Variants in SLIT3 observed in about 807,000 individuals in gnomAD.
The protein encoded by SLIT3 is slit homolog 3 protein.
In SLIT3, 68 loss-of-function variants were observed where a neutral mutation model predicts 184.0. The observed-to-expected ratio is 0.37, with a 90% CI of 0.30 to 0.45. SLIT3 has a LOEUF of 0.45. SLIT3 is among the 20% of genes least tolerant of loss of function. SLIT3 has a pLI of 1.00. For synonymous variants in SLIT3, 831 were observed against 828.6 expected (o/e 1.00, Z -0.05); for missense variants, 1,707 against 2,026.0 (o/e 0.84, Z 3.02).
intron 16 of SLIT3, among the ~76,000 whole-genome samples, chr5:168,755,399 T>TCTCTCTCTCTC (rs1754869371): frequency 6.1e-5 from 1 of 16,478 alleles, no homozygotes; most frequent in East Asian, 2.0e-3. Context: ...ATTTCTTTCT[T>TCTCTCTCTCTC]TCTTTCTTTC....
chr5:169,009,628 C>T (rs1756064948), intron 4 of SLIT3, among the ~76,000 whole-genome samples: 1 of 152,202 alleles, frequency 6.6e-6, no homozygotes, highest in Admixed American at 6.5e-5. Context: ...AGCCTCATAG[C>T]TGATTAATGC....
intron 4 of SLIT3, among the ~76,000 whole-genome samples, chr5:169,097,510 G>A (rs997517489): frequency 6.6e-6 from 1 of 152,220 alleles, no homozygotes; most frequent in Non-Finnish European, 1.5e-5. Flanking sequence ...GTGACATGTA[G>A]ACGCATTTTC....
At chr5:168,697,557 G>C (rs1762099427) in intron 27 of SLIT3, among the ~76,000 whole-genome samples, 1 of 152,108 alleles carries the variant, frequency 6.6e-6, no homozygotes, top group African/African-American at 2.4e-5. Context: ...CTTCAGATCT[G>C]GAATTTCAGG....
intron 1 of SLIT3, among the ~76,000 whole-genome samples, chr5:169,262,034 G>C (rs374307894): frequency 2.6e-5 from 4 of 152,262 alleles, no homozygotes; most frequent in Admixed American, 2.0e-4. Flanking sequence ...CAATAACCTT[G>C]AGAGCTTGGA....
chr5:169,160,535 A>G (rs1762443602), intron 4 of SLIT3, among the ~76,000 whole-genome samples: 1 of 152,226 alleles, frequency 6.6e-6, no homozygotes, highest in South Asian at 2.1e-4. Flanking sequence ...AGAGTTAGCC[A>G]AGATTCTTTT....
At chr5:168,762,786 G>A in intron 14 of SLIT3, 97 bp from the exon 15 acceptor site, 1 of 1,235,988 alleles carries the variant, frequency 8.1e-7, no homozygotes, top group Non-Finnish European at 1.2e-6. Flanking sequence ...ATGGGGGAAT[G>A]AGTTGGGGGC....
chr5:168,911,172 T>C lies in SLIT3; in HGVS notation c.414-27836A>G, dbSNP rs140116723. 3.2e-4 allele frequency among the ~76,000 whole-genome samples: 49 copies of C among 152,284 alleles called. No individual in the cohort carries two copies. In the East Asian group the frequency reaches 9.5e-3, roughly 29 times the overall value. ...AGACAAATACTGCACGTTAATTAAA[T>C]ACAAAATGATTATTTAAAAACACTT... On this transcript the variant is annotated intron_variant, in intron 4 of 35. Coordinates refer to ENST00000519560, the MANE Select transcript of SLIT3 (RefSeq NM_003062.4).
intron 4 of SLIT3, among the ~76,000 whole-genome samples, chr5:169,075,378 A>G (rs295985): frequency 0.6 from 91,106 of 152,104 alleles, 27,653 homozygotes; most frequent in East Asian, 0.8. Context: ...CTGCATCAGG[A>G]CTGAGTGAGG....
intron 1 of SLIT3, among the ~76,000 whole-genome samples, chr5:169,255,199 C>T (rs1417771810): frequency 2.6e-5 from 4 of 152,190 alleles, no homozygotes; most frequent in Non-Finnish European, 5.9e-5. Context: ...CTATGCCATA[C>T]TGTTATCACT....
At position 168,666,384 on chromosome 5, in the gene SLIT3, G is replaced by A; in HGVS notation, c.*70C>T. On this transcript the variant is annotated 3_prime_UTR_variant, in exon 36 of 36. Coordinates refer to ENST00000519560, the MANE Select transcript of SLIT3 (RefSeq NM_003062.4). ...CATTTCCTTCATGCTGAATCACCAG[G>A]GGGTCCCACATGGCTGTCCCAACTC... 1 of 1,402,276 alleles carries A rather than the reference G, an allele frequency of 7.1e-7. No individual in the cohort carries two copies. 86.9% of individuals were successfully genotyped at this position (1,402,276 alleles called of 1,614,324 possible).
intron 4 of SLIT3, among the ~76,000 whole-genome samples, chr5:168,921,132 A>G (rs1020353285): frequency 1.2e-4 from 18 of 152,240 alleles, no homozygotes; most frequent in Admixed American, 2.0e-4. Context: ...ACATGTGGAA[A>G]GGAAAATGAT....
chr5:168,845,187 C>T (rs1216775798), intron 5 of SLIT3, among the ~76,000 whole-genome samples: 1 of 152,060 alleles, frequency 6.6e-6, no homozygotes, highest in Non-Finnish European at 1.5e-5. Context: ...GGGGAATATA[C>T]CAATTCCAAA....
chr5:168,728,203 C>T (rs187034836), intron 20 of SLIT3, among the ~76,000 whole-genome samples: 104 of 151,828 alleles, frequency 6.8e-4, no homozygotes, highest in Non-Finnish European at 1.3e-3. Context: ...ATCCTATGCC[C>T]TGCCGAGGAA....
chr5:169,259,327 G>A (rs1372747434), intron 1 of SLIT3, among the ~76,000 whole-genome samples: 1 of 152,222 alleles, frequency 6.6e-6, no homozygotes, highest in African/African-American at 2.4e-5. Context: ...CCAAAGTGCT[G>A]GGATTACAGG....
At chr5:169,102,581 A>G (rs1333793511) in intron 4 of SLIT3, among the ~76,000 whole-genome samples, 1 of 152,072 alleles carries the variant, frequency 6.6e-6, no homozygotes, top group Non-Finnish European at 1.5e-5. Context: ...TTATCGTATT[A>G]TTTTTCCCAA....
intron 4 of SLIT3, among the ~76,000 whole-genome samples, chr5:168,930,952 G>A (rs566333179): frequency 3.6e-4 from 55 of 152,218 alleles, no homozygotes; most frequent in African/African-American, 1.2e-3. Context: ...GATAAATACC[G>A]CAAATCCACA....
chr5:168,956,663 G>T (rs189563602), intron 4 of SLIT3, among the ~76,000 whole-genome samples: 1 of 151,972 alleles, frequency 6.6e-6, no homozygotes, highest in Admixed American at 6.6e-5. Context: ...CCGTGGTGGC[G>T]GGCGCCTGTA....
chr5:168,751,769 T>C (rs1314035715), intron 18 of SLIT3, among the ~76,000 whole-genome samples: 2 of 151,588 alleles, frequency 1.3e-5, no homozygotes, highest in Non-Finnish European at 2.9e-5. Flanking sequence ...GCTCTCGCTC[T>C]GTTGCCAGGC....
At chr5:169,241,494 G>T (rs1024612572) in intron 3 of SLIT3, among the ~76,000 whole-genome samples, 7 of 152,236 alleles carry the variant, frequency 4.6e-5, no homozygotes, top group South Asian at 2.1e-4. Context: ...TACCCCATCG[G>T]CTGGGTGGCA....
Sources: allele counts gnomAD v4.1 joint callset (sites outside exome capture counted in the v4.1 genomes callset), GRCh38; gene constraint gnomAD v4.1.1; transcripts MANE v1.5; gene names NCBI Gene and HGNC (gene_info 2026-07-23, HGNC 2026-07-21).